The following MBD5 variants were observed in gnomAD, a reference collection of about 807,000 sequenced individuals.
MBD5 encodes the protein methyl-CpG binding domain protein 5, also known as methyl-CpG-binding domain protein 5.
A neutral mutation model predicts 117.3 loss-of-function variants in MBD5; 13 were observed. The ratio of observed to expected loss-of-function variants is 0.11; its 90% CI spans 0.07 to 0.18. The LOEUF (loss-of-function observed/expected upper bound fraction) is 0.18, where lower values mean the gene tolerates loss of function less well. Among genes scored for constraint, MBD5 ranks in the 10% least tolerant of loss-of-function variants. MBD5 has a pLI of 1.00. For synonymous variants in MBD5, 727 were observed against 766.4 expected (o/e 0.95, Z 0.85); for missense variants, 1,879 against 2,093.8 (o/e 0.90, Z 2.00).
At chr2:148,269,642 G>T (rs1441392527) in intron 3 of MBD5, among the ~76,000 whole-genome samples, 4 of 145,726 alleles carry the variant, frequency 2.7e-5, no homozygotes, top group Non-Finnish European at 4.5e-5. Context: ...ACTTTATACA[G>T]ATATATCTAA....
intron 3 of MBD5, among the ~76,000 whole-genome samples, chr2:148,312,826 G>A (rs973799498): frequency 1.3e-5 from 2 of 152,122 alleles, no homozygotes; most frequent in African/African-American, 2.4e-5. Flanking sequence ...CCTTCAAATG[G>A]GGTTTCTGTG....
chr2:148,368,970 T>C (rs1378882756), intron 4 of MBD5, among the ~76,000 whole-genome samples: 1 of 152,142 alleles, frequency 6.6e-6, no homozygotes, highest in African/African-American at 2.4e-5. Context: ...AAAGTGATCA[T>C]AGTTACCACC....
intron 3 of MBD5, among the ~76,000 whole-genome samples, chr2:148,339,143 T>C (rs959907973): frequency 6.6e-6 from 1 of 152,158 alleles, no homozygotes; most frequent in African/African-American, 2.4e-5. Context: ...CTCAAGCTCA[T>C]TCTTGGCACC....
At chr2:148,218,429 A>G (rs1209779450) in intron 2 of MBD5, among the ~76,000 whole-genome samples, 6 of 152,268 alleles carry the variant, frequency 3.9e-5, no homozygotes, top group Non-Finnish European at 7.3e-5. Flanking sequence ...AAGAGAAGTT[A>G]CATAGCCGAG....
intron 3 of MBD5, among the ~76,000 whole-genome samples, chr2:148,234,232 G>A (rs1330673266): frequency 6.6e-6 from 1 of 151,762 alleles, no homozygotes; most frequent in East Asian, 1.9e-4. Flanking sequence ...ATCTTTCAAG[G>A]GATTTCATAC....
intron 1 of MBD5, among the ~76,000 whole-genome samples, chr2:148,146,145 A>T (rs1697457142): frequency 6.6e-6 from 1 of 152,190 alleles, no homozygotes; most frequent in Admixed American, 6.6e-5. Flanking sequence ...TATTTTGGTT[A>T]TGTAATTTAT....
At chr2:148,401,631 T>C (rs1202894891) in intron 4 of MBD5, among the ~76,000 whole-genome samples, 1 of 152,166 alleles carries the variant, frequency 6.6e-6, no homozygotes, top group Admixed American at 6.5e-5. Context: ...AGTTGCAAAA[T>C]TGTGCAGAAC....
intron 2 of MBD5, among the ~76,000 whole-genome samples, chr2:148,182,045 C>G (rs1298411309): frequency 1.3e-5 from 2 of 151,328 alleles, no homozygotes; most frequent in East Asian, 3.9e-4. Flanking sequence ...TTCTTCTTTC[C>G]TATATCTTTT....
chr2:148,416,332 C>G lies in MBD5; in HGVS notation c.-556-41871C>G, dbSNP rs1196709084. Among the ~76,000 whole-genome samples the G allele has an allele frequency of 3.9e-5, 6 of 152,234 alleles. No homozygotes were observed. In the East Asian group the frequency reaches 1.2e-3, roughly 29 times the overall value. ...TCTTTAAGGTTAGGAACCTGCTGCA[C>G]CAGAAGGGCCAAGGTGTACTCAATC... On this transcript the variant is annotated intron_variant, in intron 4 of 13. Coordinates refer to ENST00000642680, the MANE Select transcript of MBD5 (RefSeq NM_001378120.1).
chr2:148,394,256 A>G (rs1704641653), intron 4 of MBD5, among the ~76,000 whole-genome samples: 1 of 152,144 alleles, frequency 6.6e-6, no homozygotes, highest in Non-Finnish European at 1.5e-5. Context: ...GTTTCCTGGA[A>G]CAACTTAAAA....
chr2:148,327,372 G>A (rs1433736154), intron 3 of MBD5, among the ~76,000 whole-genome samples: 19 of 152,028 alleles, frequency 1.2e-4, no homozygotes, highest in Admixed American at 1.2e-3. Context: ...TCCTGAATCT[G>A]AATGTTGGCC....
Position 148,398,934 on chromosome 2 carries a change from C to G in MBD5, c.-557+56598C>G, listed in dbSNP as rs376712797. Among the ~76,000 whole-genome samples the G allele has an allele frequency of 4.6e-5, 7 of 152,248 alleles. No individual in the cohort carries two copies. The East Asian group carries it at 7.7e-4, about 17-fold the overall frequency. On this transcript the variant is annotated intron_variant, in intron 4 of 13. Coordinates refer to ENST00000642680, the MANE Select transcript of MBD5 (RefSeq NM_001378120.1). ...AATCCTTTCCCCATTGCTTGTTTTT[C>G]TCAGGTTTGTCAAAGATCAGATAGT...
At chr2:148,445,285 G>A (rs940239267) in intron 4 of MBD5, among the ~76,000 whole-genome samples, 12 of 147,668 alleles carry the variant, frequency 8.1e-5, no homozygotes, top group Admixed American at 4.7e-4. Flanking sequence ...ATCCCTCCCC[G>A]CTCCCCCCAC....
intron 4 of MBD5, among the ~76,000 whole-genome samples, chr2:148,428,050 A>T (rs1264101127): frequency 6.6e-6 from 1 of 152,218 alleles, no homozygotes; most frequent in Non-Finnish European, 1.5e-5. Context: ...AGAGGAAGTC[A>T]TATTGTCTGT....
At position 148,441,632 on chromosome 2, in the gene MBD5, T is replaced by G. The variant is rs866279252; in HGVS notation, c.-556-16571T>G. 9.8e-4 allele frequency among the ~76,000 whole-genome samples: 149 copies of G among 152,248 alleles called. 1 individual carries two copies. Among genetic ancestry groups the G allele is most frequent in the Non-Finnish European group, 1.7e-3 (116 of 68,022 alleles). ...TTGGGTATATACCCAGTAATGGGATTGCTGGGTCAAATGGTATTTCTAGTT... is the reference window on the plus strand; with the variant it reads ...TTGGGTATATACCCAGTAATGGGATGGCTGGGTCAAATGGTATTTCTAGTT... On this transcript the variant is annotated intron_variant, in intron 4 of 13. Coordinates refer to ENST00000642680, the MANE Select transcript of MBD5 (RefSeq NM_001378120.1).
chr2:148,327,092 A>T (rs1702473125), intron 3 of MBD5, among the ~76,000 whole-genome samples: 1 of 151,938 alleles, frequency 6.6e-6, no homozygotes, highest in Non-Finnish European at 1.5e-5. Flanking sequence ...TCCATCACTT[A>T]TGAAGCTTAG....
intron 1 of MBD5, among the ~76,000 whole-genome samples, chr2:148,137,905 G>C (rs549969197): frequency 1.0e-3 from 153 of 152,262 alleles, no homozygotes; most frequent in African/African-American, 3.4e-3. Context: ...TAGCCTACAT[G>C]TGTAGTAGGC....
chr2:148,273,250 G>A (rs1701026218), intron 3 of MBD5, among the ~76,000 whole-genome samples: 2 of 152,210 alleles, frequency 1.3e-5, no homozygotes, highest in South Asian at 4.2e-4. Context: ...TTAGTTTACA[G>A]TTTAACTTTA....
At chr2:148,403,994 G>C (rs2105112697) in intron 4 of MBD5, among the ~76,000 whole-genome samples, 1 of 152,124 alleles carries the variant, frequency 6.6e-6, no homozygotes, top group East Asian at 1.9e-4. Flanking sequence ...ATAAACTTTG[G>C]GTATTGGCTT....
Sources: allele counts gnomAD v4.1 joint callset (sites outside exome capture counted in the v4.1 genomes callset), GRCh38; gene constraint gnomAD v4.1.1; transcripts MANE v1.5; gene names NCBI Gene and HGNC (gene_info 2026-07-23, HGNC 2026-07-21).